APPL1: variants seen among roughly 807,000 people sequenced by gnomAD.
APPL1 encodes adaptor protein, phosphotyrosine interacting with PH domain and leucine zipper 1.
Under a neutral mutation model 106.8 loss-of-function variants are expected in APPL1, and 42 were observed. The observed-to-expected ratio is 0.39, with a 90% CI of 0.31 to 0.51. The LOEUF (loss-of-function observed/expected upper bound fraction) is 0.51. APPL1 is among the 20% of genes least tolerant of loss of function. The pLI is 0.75. For synonymous variants in APPL1, 263 were observed against 281.8 expected, an observed-to-expected ratio of 0.93 and a Z score of 0.67; for missense variants, 769 against 858.2, an observed-to-expected ratio of 0.90 and a Z score of 1.30.
intron 1 of APPL1, among the ~76,000 whole-genome samples, chr3:57,229,737 G>A (rs1321629404): frequency 7.1e-6 from 1 of 140,440 alleles, no homozygotes; most frequent in African/African-American, 2.8e-5. Context: ...TCCTGAGACG[G>A]GGTTTTGCTC....
At chr3:57,240,163 G>A (rs546842029) in intron 4 of APPL1, among the ~76,000 whole-genome samples, 21 of 145,086 alleles carry the variant, frequency 1.4e-4, no homozygotes, top group Non-Finnish European at 2.4e-4. Context: ...TTGATGGTGC[G>A]CTTTCATGCA....
rs781527136 is a variant in APPL1 at position 57,267,773 on chromosome 3, T to C, written c.1874T>C (p.Ile625Thr). Residue 625 changes from isoleucine (I) to threonine (T), a missense_variant, in exon 20 of 22, where the codon ATA becomes ACA. Ile to Thr is a moderately conservative substitution (Grantham distance 89). Coordinates refer to ENST00000288266, the MANE Select transcript of APPL1 (RefSeq NM_012096.3). ...GATTCTGTTGGACTGGCAAAACAGA[T>C]AGCTTTGCATGCTGAACTGGTAAGA... Reference protein sequence around the residue: ...ICDSVGLAKQIALHAELDRRA... With the variant: ...ICDSVGLAKQTALHAELDRRA... 3.1e-6 allele frequency: 5 copies of C among 1,613,924 alleles called. No individual in the cohort carries two copies. The highest frequency in any genetic ancestry group is 4.2e-6 in the Non-Finnish European group (5 of 1,180,026).
At chr3:57,256,212 A>G (rs2060835419) in intron 13 of APPL1, among the ~76,000 whole-genome samples, 1 of 152,222 alleles carries the variant, frequency 6.6e-6, no homozygotes, top group Admixed American at 6.5e-5. Context: ...CTCCCAAAAA[A>G]AGACCATTTA....
chr3:57,243,747 A>C (rs1327048100), intron 7 of APPL1, among the ~76,000 whole-genome samples: 1 of 152,246 alleles, frequency 6.6e-6, no homozygotes, highest in African/African-American at 2.4e-5. Context: ...TGAGATCTCT[A>C]TTAGTCACTT....
At chr3:57,234,383 C>T (rs1292264471) in intron 1 of APPL1, among the ~76,000 whole-genome samples, 1 of 150,288 alleles carries the variant, frequency 6.7e-6, no homozygotes, top group Admixed American at 6.6e-5. Flanking sequence ...CTGCAAGCTC[C>T]GCCTCCCAGG....
rs145295747 is a variant in APPL1, at chr3:57,231,656, A to G, written c.54+3719A>G. ...CAAGACCTCATCTCTACAAAAAATA[A>G]AATTAGCTGGGCGTGGTGGCATGCA... On this transcript the variant is annotated intron_variant, in intron 1 of 21. Coordinates refer to ENST00000288266, the MANE Select transcript of APPL1 (RefSeq NM_012096.3). Among the ~76,000 whole-genome samples the G allele has an allele frequency of 1.2e-3, 185 of 151,856 alleles. 1 individual carries two copies. Among genetic ancestry groups the G allele is most frequent in the African/African-American group, 4.3e-3 (177 of 41,408 alleles).
chr3:57,258,786 T>A, intron 15 of APPL1: 1 of 356,730 alleles, frequency 2.8e-6, no homozygotes, highest in East Asian at 4.3e-5. Context: ...TGATTTTTTG[T>A]TGTGTATGTC....
intron 10 of APPL1, 150 bp downstream of exon 10, chr3:57,248,501 A>G (rs2060786776): frequency 5.1e-6 from 4 of 786,318 alleles, no homozygotes; most frequent in Admixed American, 2.9e-5. Context: ...ACTTTTTGAC[A>G]GATGAAGTAC....
intron 1 of APPL1, chr3:57,230,764 C>A: frequency 2.2e-6 from 1 of 456,156 alleles, no homozygotes. Context: ...TTTTAAAGCT[C>A]ATGGTAAGTT....
chr3:57,267,090 T>C (rs2060898440), intron 19 of APPL1, among the ~76,000 whole-genome samples: 1 of 152,224 alleles, frequency 6.6e-6, no homozygotes, highest in South Asian at 2.1e-4. Context: ...AACCTATAGA[T>C]TGCTTTGGGC....
At chr3:57,232,707 A>G (rs2060693600) in intron 1 of APPL1, among the ~76,000 whole-genome samples, 1 of 152,166 alleles carries the variant, frequency 6.6e-6, no homozygotes, top group South Asian at 2.1e-4. Flanking sequence ...TCTCGAGTTG[A>G]AAAGTGGTTC....
intron 13 of APPL1, among the ~76,000 whole-genome samples, chr3:57,255,616 T>C (rs1472411068): frequency 1.3e-5 from 2 of 152,222 alleles, no homozygotes; most frequent in African/African-American, 4.8e-5. Context: ...GTTAGTTTTA[T>C]AATGTTATTA....
intron 21 of APPL1, 160 bp downstream of exon 21, chr3:57,268,647 G>A (rs2060912051): frequency 1.4e-6 from 1 of 693,554 alleles, no homozygotes; most frequent in Non-Finnish European, 2.1e-6. Flanking sequence ...GGTCACATCT[G>A]TTTTTTGATA....
At position 57,260,124 on chromosome 3, in the gene APPL1, G is replaced by T. The variant is rs1253318240; in HGVS notation, c.1666G>T (p.Asp556Tyr). ...LVTCDCLKLI[D>Y]PQTQVTRLTF... ...TTTAAATTATTATTTTAGGTTAATT[G>T]ATCCACAGACACAAGTTACAAGGCT... Residue 556 changes from aspartate to tyrosine, a missense_variant, in exon 18 of 22, where the codon GAT becomes TAT. Physicochemically the swap from Asp to Tyr is radical, Grantham distance 160. Coordinates refer to ENST00000288266, the MANE Select transcript of APPL1 (RefSeq NM_012096.3). 6.2e-7 allele frequency: 1 copy of T among 1,606,328 alleles called. No homozygotes were observed. The highest frequency in any genetic ancestry group is 2.2e-5 in the East Asian group (1 of 44,806).
chr3:57,233,495 AAAAC>A (rs1293965701), intron 1 of APPL1, among the ~76,000 whole-genome samples: 5 of 152,000 alleles, frequency 3.3e-5, no homozygotes, highest in Non-Finnish European at 7.4e-5. Context: ...AGAAAAAAAA[AAAAC>A]AAAACAGAAA....
chr3:57,236,756 A>G (rs1480291889), intron 2 of APPL1, among the ~76,000 whole-genome samples: 1 of 152,230 alleles, frequency 6.6e-6, no homozygotes, highest in Non-Finnish European at 1.5e-5. Flanking sequence ...TTTCTTATTG[A>G]CCAGCAATAA....
At chr3:57,244,896 C>T (rs180677477) in intron 7 of APPL1, among the ~76,000 whole-genome samples, 3 of 152,118 alleles carry the variant, frequency 2.0e-5, no homozygotes, top group East Asian at 3.9e-4. Flanking sequence ...GGAAGGAGTA[C>T]TTTTGGGAGA....
intron 19 of APPL1, 150 bp from the exon 20 acceptor site, chr3:57,267,592 T>A (rs538211187): frequency 3.0e-6 from 2 of 669,258 alleles, no homozygotes; most frequent in South Asian, 1.9e-5. Flanking sequence ...AAGCCTTGGT[T>A]TGGGGGCTTG....
chr3:57,249,555 A>T lies in APPL1; in HGVS notation c.1052+7A>T. 1.3e-6 allele frequency: 2 copies of T among 1,547,180 alleles called. No individual in the cohort carries two copies. Among genetic ancestry groups the T allele is most frequent in the Non-Finnish European group, 1.7e-6 (2 of 1,151,272 alleles). On this transcript the variant is annotated splice_region_variant and intron_variant, in intron 11 of 21. Coordinates refer to ENST00000288266, the MANE Select transcript of APPL1 (RefSeq NM_012096.3). ...CCTCTTTCGATGGAAAAAAGTTAGT[A>T]TTTTTTTTCTACTACTACTAATCTA... is the stretch of plus-strand genomic sequence containing the variant.
Sources: allele counts gnomAD v4.1 joint callset (sites outside exome capture counted in the v4.1 genomes callset), GRCh38; gene constraint gnomAD v4.1.1; transcripts MANE v1.5; gene names NCBI Gene and HGNC (gene_info 2026-07-23, HGNC 2026-07-21).